Variants in DCTN4 observed in about 807,000 individuals in gnomAD.
DCTN4 encodes the protein dynactin subunit 4.
A neutral mutation model predicts 62.7 loss-of-function variants in DCTN4; 23 were observed. The observed-to-expected ratio is 0.37, with a 90% CI of 0.26 to 0.52. The LOEUF (loss-of-function observed/expected upper bound fraction) is 0.52, where lower values mean the gene tolerates loss of function less well. Among genes scored for constraint, DCTN4 ranks in the 20% least tolerant of loss-of-function variants. The probability of loss-of-function intolerance (pLI) is 0.92; values close to 1 mark genes in which losing one functional copy is unlikely to be tolerated. For synonymous variants in DCTN4, 199 were observed against 202.1 expected, an observed-to-expected ratio of 0.98 and a Z score of 0.13; for missense variants, 514 against 580.4, an observed-to-expected ratio of 0.89 and a Z score of 1.18.
intron 1 of DCTN4, among the ~76,000 whole-genome samples, chr5:150,757,016 G>C (rs757839581): frequency 6.6e-5 from 10 of 152,034 alleles, no homozygotes; most frequent in South Asian, 4.2e-4. Context: ...CAAATTAATG[G>C]GACAGTCTTA....
intron 12 of DCTN4, among the ~76,000 whole-genome samples, chr5:150,713,827 C>G (rs772832922): frequency 4.0e-5 from 6 of 151,820 alleles, no homozygotes; most frequent in African/African-American, 1.2e-4. Flanking sequence ...GTCAAAAAAC[C>G]GTAAATGGGC....
chr5:150,746,967 G>A (rs1414435658), intron 3 of DCTN4, among the ~76,000 whole-genome samples: 6 of 151,990 alleles, frequency 3.9e-5, no homozygotes, highest in African/African-American at 1.5e-4. Flanking sequence ...GGAAATAAAG[G>A]GTATTCAATT....
chr5:150,732,070 A>T (rs1760393725), intron 5 of DCTN4, among the ~76,000 whole-genome samples: 1 of 152,266 alleles, frequency 6.6e-6, no homozygotes, highest in Non-Finnish European at 1.5e-5. Context: ...GCATATGCTG[A>T]CTATACCACT....
rs1760374508 is a variant in DCTN4, at chr5:150,731,638, T to G, written c.538-149A>C. On this transcript the variant is annotated intron_variant, in intron 5 of 12. Coordinates refer to ENST00000447998, the MANE Select transcript of DCTN4 (RefSeq NM_016221.4). ...TAAAGGCTTCTTTTAAAGAAAGCAA[T>G]TTGTAGCCCCACATCATTATTCTAT... 5 of 663,200 alleles carry G rather than the reference T, an allele frequency of 7.5e-6. No individual in the cohort carries two copies. In the East Asian group the frequency reaches 1.4e-4, roughly 18 times the overall value. The allele number at this position is 663,200 out of a possible 1,614,324, so 41.1% of individuals were successfully genotyped here.
chr5:150,734,360 C>T (rs1760496643), intron 4 of DCTN4: 1 of 152,144 alleles, frequency 6.6e-6, no homozygotes, highest in South Asian at 2.1e-4. Flanking sequence ...CACTGGAGAA[C>T]CTAAAAATCC....
chr5:150,722,242 T>C (rs546976237), intron 9 of DCTN4, among the ~76,000 whole-genome samples: 1 of 152,362 alleles, frequency 6.6e-6, no homozygotes, highest in South Asian at 2.1e-4. Context: ...ACTCCAAAGC[T>C]AGACAATACT....
At chr5:150,749,840 C>A (rs988636800) in intron 3 of DCTN4, among the ~76,000 whole-genome samples, 2 of 152,022 alleles carry the variant, frequency 1.3e-5, no homozygotes, top group African/African-American at 4.8e-5. Flanking sequence ...AAAAACAATC[C>A]AAATGTTCAA....
intron 3 of DCTN4, among the ~76,000 whole-genome samples, chr5:150,749,679 A>T (rs1403261401): frequency 6.6e-6 from 1 of 151,796 alleles, no homozygotes; most frequent in African/African-American, 2.4e-5. Context: ...AAATAAAAAT[A>T]GTTTGGCAGC....
chr5:150,737,734 C>T (rs1337141320), intron 4 of DCTN4, among the ~76,000 whole-genome samples: 1 of 151,972 alleles, frequency 6.6e-6, no homozygotes, highest in Non-Finnish European at 1.5e-5. Context: ...ACAAACCAAA[C>T]CCAAACCTAG....
intron 3 of DCTN4, among the ~76,000 whole-genome samples, chr5:150,743,431 G>C (rs1212722742): frequency 6.6e-6 from 1 of 152,232 alleles, no homozygotes; most frequent in Non-Finnish European, 1.5e-5. Flanking sequence ...CTGTCTGACA[G>C]CTTTGAGCAG....
rs1252431156 is a variant in DCTN4, at chr5:150,712,879, T to C, written c.1170-1517A>G. Among the ~76,000 whole-genome samples the C allele has an allele frequency of 3.9e-5, 6 of 152,234 alleles. No individual in the cohort carries two copies. The East Asian group carries it at 9.6e-4, about 24-fold the overall frequency. On this transcript the variant is annotated intron_variant, in intron 12 of 12. Coordinates refer to ENST00000447998, the MANE Select transcript of DCTN4 (RefSeq NM_016221.4). ...CTGGGATTACATATTTACATATTTA[T>C]ACAGTGTTAGTTTCCAGAAATCTGA...
chr5:150,731,990 G>T (rs1430732710), intron 5 of DCTN4: 2 of 1,179,384 alleles, frequency 1.7e-6, no homozygotes, highest in East Asian at 5.1e-5. Flanking sequence ...TAGCAGGCAG[G>T]TTATATGGGA....
intron 8 of DCTN4, among the ~76,000 whole-genome samples, chr5:150,723,574 T>A (rs1760030009): frequency 6.6e-6 from 1 of 152,244 alleles, no homozygotes; most frequent in East Asian, 1.9e-4. Flanking sequence ...GCTCAAGTAA[T>A]CTTCCTGCCT....
chr5:150,742,080 T>C, intron 4 of DCTN4, 34 bp downstream of exon 4: 1 of 1,609,136 alleles, frequency 6.2e-7, no homozygotes, highest in South Asian at 1.1e-5. Context: ...TTTTTTCCGA[T>C]TTCATCCTCT....
At chr5:150,741,398 T>C (rs1056838203) in intron 4 of DCTN4, among the ~76,000 whole-genome samples, 13 of 152,310 alleles carry the variant, frequency 8.5e-5, no homozygotes, top group Admixed American at 7.8e-4. Flanking sequence ...TACATACTTA[T>C]TCCTGGCCTC....
intron 11 of DCTN4, among the ~76,000 whole-genome samples, chr5:150,716,961 T>A (rs1168009219): frequency 2.0e-5 from 3 of 151,394 alleles, no homozygotes; most frequent in Non-Finnish European, 2.9e-5. Flanking sequence ...AAATAAGTGT[T>A]ATCTCTCTTT....
In DCTN4 at chr5:150,758,867, A is replaced by C. The variant is rs746392421; in HGVS notation, c.127T>G (p.Ser43Ala). 1 of 1,613,674 alleles carries C rather than the reference A, an allele frequency of 6.2e-7. No homozygotes were observed. The highest frequency in any genetic ancestry group is 8.5e-7 in the Non-Finnish European group (1 of 1,179,780). ...CSELRSLECV[S>A]HEVDSHYCPS... Reference sequence around the variant, plus strand: ...TAGGGCGACTCTGTTACCTCGTGAGACACACATTCCAGCGACCGCAGTTCG... The same window carrying C: ...TAGGGCGACTCTGTTACCTCGTGAGCCACACATTCCAGCGACCGCAGTTCG... The change falls in exon 1 of 13, where the codon TCT (serine) becomes GCT (alanine). Residue 43 changes from serine (S) to alanine (A), a missense_variant. Physicochemically the swap from Ser to Ala is moderately conservative, Grantham distance 99. Coordinates refer to ENST00000447998, the MANE Select transcript of DCTN4 (RefSeq NM_016221.4).
At chr5:150,747,985 C>T (rs1470810407) in intron 3 of DCTN4, among the ~76,000 whole-genome samples, 3 of 144,090 alleles carry the variant, frequency 2.1e-5, no homozygotes, top group Non-Finnish European at 3.0e-5. Context: ...AAAGAAACTA[C>T]CATCAGAGTG....
intron 3 of DCTN4, among the ~76,000 whole-genome samples, chr5:150,751,635 T>A (rs1280455233): frequency 2.0e-5 from 3 of 152,166 alleles, no homozygotes; most frequent in African/African-American, 7.2e-5. Context: ...AAATACTTAC[T>A]GGCAATTTTC....
Sources: allele counts gnomAD v4.1 joint callset (sites outside exome capture counted in the v4.1 genomes callset), GRCh38; gene constraint gnomAD v4.1.1; transcripts MANE v1.5; gene names NCBI Gene and HGNC (gene_info 2026-07-23, HGNC 2026-07-21).